Variants in NELL1 observed in about 807,000 individuals in gnomAD.
The protein encoded by NELL1 is protein kinase C-binding protein NELL1.
In NELL1, 76 loss-of-function variants were observed where a neutral mutation model predicts 107.4. That is an observed-to-expected ratio of 0.71 (90% CI 0.59 to 0.86). NELL1 has a LOEUF of 0.86. Among genes scored for constraint, NELL1 ranks in the 40% least tolerant of loss-of-function variants. The probability of loss-of-function intolerance (pLI) is 0.00; values close to 1 mark genes in which losing one functional copy is unlikely to be tolerated. For synonymous variants in NELL1, 353 were observed against 341.2 expected (o/e 1.03, Z -0.38); for missense variants, 1,024 against 1,005.5 (o/e 1.02, Z -0.25).
chr11:20,834,423 G>A (rs1262253011), intron 3 of NELL1, among the ~76,000 whole-genome samples: 1 of 152,130 alleles, frequency 6.6e-6, no homozygotes, highest in African/African-American at 2.4e-5. Flanking sequence ...TGAGTAGGTA[G>A]TTGGTTATGC....
chr11:21,497,706 G>A (rs1855019440), intron 15 of NELL1, among the ~76,000 whole-genome samples: 1 of 151,984 alleles, frequency 6.6e-6, no homozygotes, highest in African/African-American at 2.4e-5. Flanking sequence ...ATAAACTCCA[G>A]TTTTTGTGTT....
At chr11:21,497,996 T>C (rs966342746) in intron 15 of NELL1, among the ~76,000 whole-genome samples, 1 of 152,022 alleles carries the variant, frequency 6.6e-6, no homozygotes, top group Non-Finnish European at 1.5e-5. Flanking sequence ...CATTCCCTGA[T>C]ACATTTTGGC....
intron 2 of NELL1, among the ~76,000 whole-genome samples, chr11:20,680,335 A>G (rs2133853279): frequency 6.6e-6 from 1 of 152,210 alleles, no homozygotes; most frequent in South Asian, 2.1e-4. Context: ...ACCCCATCGC[A>G]GTATCTCAAA....
intron 14 of NELL1, among the ~76,000 whole-genome samples, chr11:21,303,260 G>A (rs1849537308): frequency 6.6e-6 from 1 of 151,932 alleles, no homozygotes; most frequent in Non-Finnish European, 1.5e-5. Context: ...TAAAACATAT[G>A]AATGCATGTT....
At chr11:20,910,179 T>G (rs1850095028) in intron 5 of NELL1, among the ~76,000 whole-genome samples, 1 of 152,154 alleles carries the variant, frequency 6.6e-6, no homozygotes, top group Admixed American at 6.5e-5. Flanking sequence ...GTGTCTTTCA[T>G]TATCTAACAG....
intron 14 of NELL1, among the ~76,000 whole-genome samples, chr11:21,265,146 T>C (rs1848611290): frequency 6.6e-6 from 1 of 152,034 alleles, no homozygotes; most frequent in African/African-American, 2.4e-5. Context: ...AGGCTAACTT[T>C]TGCTGCTTAA....
chr11:21,125,358 A>G (rs1274905795), intron 13 of NELL1, among the ~76,000 whole-genome samples: 1 of 152,206 alleles, frequency 6.6e-6, no homozygotes, highest in Non-Finnish European at 1.5e-5. Context: ...TGGACTTTGA[A>G]AGATTAAGGT....
intron 13 of NELL1, among the ~76,000 whole-genome samples, chr11:21,210,794 T>C (rs1009448256): frequency 6.6e-6 from 1 of 152,172 alleles, no homozygotes; most frequent in Non-Finnish European, 1.5e-5. Flanking sequence ...AACATGTCTT[T>C]ACCTGGTTGT....
chr11:21,093,489 A>G (rs1204292284), intron 12 of NELL1, among the ~76,000 whole-genome samples: 3 of 152,172 alleles, frequency 2.0e-5, no homozygotes, highest in Admixed American at 1.3e-4. Context: ...CAGGCCTTTC[A>G]TATTGCCTCA....
At chr11:20,839,987 A>C (rs1204632416) in intron 3 of NELL1, among the ~76,000 whole-genome samples, 1 of 152,208 alleles carries the variant, frequency 6.6e-6, no homozygotes, top group African/African-American at 2.4e-5. Context: ...TGAGGCCAAA[A>C]TGTTTGGGTT....
chr11:20,721,591 GTCTTATC>G (rs1426633353), intron 2 of NELL1, among the ~76,000 whole-genome samples: 1 of 152,162 alleles, frequency 6.6e-6, no homozygotes, highest in Non-Finnish European at 1.5e-5. Context: ...GCCAAAGTAA[GTCTTATC>G]GCCAAGCCTT....
chr11:20,956,473 C>T (rs1209140093), intron 11 of NELL1, among the ~76,000 whole-genome samples: 1 of 151,888 alleles, frequency 6.6e-6, no homozygotes, highest in East Asian at 2.0e-4. Flanking sequence ...GGTGAAACCC[C>T]GTCTCTACTA....
chr11:21,169,792 C>G, intron 13 of NELL1: 1 of 1,350,672 alleles, frequency 7.4e-7, no homozygotes, highest in East Asian at 2.4e-5. Flanking sequence ...TGCCGGGCAC[C>G]CGGAGAGTGG....
chr11:21,005,529 A>G (rs1462103213), intron 12 of NELL1, among the ~76,000 whole-genome samples: 7 of 152,138 alleles, frequency 4.6e-5, no homozygotes, highest in Non-Finnish European at 4.4e-5. Context: ...GATTGCTGGC[A>G]TTTTGCTACC....
intron 2 of NELL1, among the ~76,000 whole-genome samples, chr11:20,720,399 G>A (rs987835791): frequency 6.6e-6 from 1 of 151,940 alleles, no homozygotes; most frequent in African/African-American, 2.4e-5. Flanking sequence ...AGTAGAGACA[G>A]GGTTTCACCA....
At chr11:20,956,232 A>G (rs1851168421) in intron 11 of NELL1, among the ~76,000 whole-genome samples, 1 of 151,918 alleles carries the variant, frequency 6.6e-6, no homozygotes, top group Non-Finnish European at 1.5e-5. Context: ...ACAAAACAAA[A>G]CAACCATGGT....
At chr11:20,883,485 A>G (rs1042691230) in intron 4 of NELL1, among the ~76,000 whole-genome samples, 3 of 152,240 alleles carry the variant, frequency 2.0e-5, no homozygotes, top group Non-Finnish European at 4.4e-5. Flanking sequence ...AAGCTCGTCT[A>G]ACTGTGACAG....
chr11:20,765,189 A>G (rs561518252), intron 2 of NELL1, among the ~76,000 whole-genome samples: 10 of 152,216 alleles, frequency 6.6e-5, no homozygotes, highest in African/African-American at 2.4e-4. Flanking sequence ...TGAGGCAGAT[A>G]CAGGAGAAAT....
intron 2 of NELL1, among the ~76,000 whole-genome samples, chr11:20,770,140 A>G (rs544353644): frequency 2.3e-4 from 35 of 152,354 alleles, no homozygotes; most frequent in African/African-American, 7.9e-4. Context: ...AAGCTTCAGT[A>G]AATGAGGATT....
Sources: gnomAD v4.1 joint callset for allele counts (sites outside exome capture counted in the v4.1 genomes callset) on GRCh38, gnomAD v4.1.1 for gene constraint, MANE v1.5 for transcripts, NCBI Gene and HGNC (gene_info 2026-07-23, HGNC 2026-07-21) for gene names.